The following PPP2R3A variants were observed in gnomAD, a reference collection of about 807,000 sequenced individuals.
PPP2R3A encodes serine/threonine-protein phosphatase 2A regulatory subunit B'' subunit alpha.
A neutral mutation model predicts 106.9 loss-of-function variants in PPP2R3A; 80 were observed. The observed-to-expected ratio is 0.75, with a 90% CI of 0.62 to 0.90. The LOEUF is 0.90. Ranked by LOEUF, PPP2R3A falls within the 40% of genes least tolerant of loss-of-function variation. The probability of loss-of-function intolerance (pLI) is 0.00; values close to 1 mark genes in which losing one functional copy is unlikely to be tolerated. For missense variants in PPP2R3A, 1,386 were observed against 1,350.4 expected, an observed-to-expected ratio of 1.03 and a Z score of -0.41; for synonymous variants, 483 against 468.3, an observed-to-expected ratio of 1.03 and a Z score of -0.41.
intron 1 of PPP2R3A, among the ~76,000 whole-genome samples, chr3:135,991,853 T>C (rs1933178103): frequency 6.6e-6 from 1 of 152,132 alleles, no homozygotes; most frequent in Non-Finnish European, 1.5e-5. Flanking sequence ...AAAAGTTAGT[T>C]TTTAAGCGCT....
At chr3:136,079,185 T>C in intron 7 of PPP2R3A, 1 of 455,448 alleles carries the variant, frequency 2.2e-6, no homozygotes, top group Non-Finnish European at 4.4e-6. Flanking sequence ...CAGTCCATGA[T>C]GGATATACAA....
chr3:136,018,713 C>A (rs932573951), intron 2 of PPP2R3A, among the ~76,000 whole-genome samples: 2 of 152,100 alleles, frequency 1.3e-5, no homozygotes, highest in African/African-American at 4.8e-5. Flanking sequence ...AGCATCTTTT[C>A]TCGCTTGGGA....
At chr3:136,010,678 G>A (rs1423242721) in intron 2 of PPP2R3A, among the ~76,000 whole-genome samples, 2 of 151,896 alleles carry the variant, frequency 1.3e-5, no homozygotes, top group Non-Finnish European at 1.5e-5. Flanking sequence ...CGCCCACCTC[G>A]GCCTCCCAGA....
In PPP2R3A at chr3:136,003,306, A is replaced by G. The variant is rs928319689; in HGVS notation, c.1808A>G (p.Gln603Arg). The G allele has an allele frequency of 7.4e-6, 12 of 1,614,010 alleles. No individual in the cohort carries two copies. Among genetic ancestry groups the G allele is most frequent in the Non-Finnish European group, 1.0e-5 (12 of 1,179,932 alleles). Residue 603 changes from glutamine (Q) to arginine (R), a missense_variant, in exon 2 of 14, where the codon CAA becomes CGA. By Grantham distance (43) the Gln-to-Arg change is conservative. Transcript: ENST00000264977. ...RILESIEDFA[Q>R]ELVECKSSRG... ...CTGGAAAGCATTGAAGACTTTGCTC[A>G]AGAACTAGTTGAATGCAAATCAAGC...
Position 136,108,367 on chromosome 3 carries a change from TTTAA to T in PPP2R3A, c.3329+2049_3329+2052del, listed in dbSNP as rs374525147. On this transcript the variant is annotated intron_variant, in intron 13 of 13. Coordinates refer to ENST00000264977, the MANE Select transcript of PPP2R3A (RefSeq NM_002718.5). Reference sequence around the variant, plus strand: ...ATTTTGTGGATGTGTACTTCTGGACTTTAATTAGGAAAAACGGGATGAGGAAGAA... The same window carrying T: ...ATTTTGTGGATGTGTACTTCTGGACTTTAGGAAAAACGGGATGAGGAAGAA... Among the ~76,000 whole-genome samples, 29 of 152,262 alleles carry T rather than the reference TTTAA, an allele frequency of 1.9e-4. No individual in the cohort carries two copies. In the East Asian group the frequency reaches 5.2e-3, roughly 27 times the overall value.
chr3:136,135,835 CA>C (rs2108024887), intron 13 of PPP2R3A, among the ~76,000 whole-genome samples: 1 of 151,894 alleles, frequency 6.6e-6, no homozygotes, highest in Non-Finnish European at 1.5e-5. Flanking sequence ...CAGATGAGGC[CA>C]GGAGTTCGAG....
intron 1 of PPP2R3A, among the ~76,000 whole-genome samples, chr3:135,986,125 C>T (rs535899479): frequency 6.6e-6 from 1 of 152,174 alleles, no homozygotes; most frequent in South Asian, 2.1e-4. Flanking sequence ...AAAAGGGATA[C>T]AGGGAAAGCA....
chr3:136,024,820 A>G (rs758590094), intron 2 of PPP2R3A, among the ~76,000 whole-genome samples: 1 of 152,184 alleles, frequency 6.6e-6, no homozygotes. Flanking sequence ...TAAATGGTCT[A>G]GGTAAAGCCC....
intron 3 of PPP2R3A, among the ~76,000 whole-genome samples, chr3:136,039,919 T>G (rs1935207526): frequency 6.6e-6 from 1 of 152,212 alleles, no homozygotes; most frequent in Non-Finnish European, 1.5e-5. Context: ...TAAAATTGTT[T>G]TATATTCATT....
rs372861984 is a variant in PPP2R3A, at chr3:136,132,655, C to T, written c.3330-12388C>T. Among the ~76,000 whole-genome samples, 138 of 151,936 alleles carry T rather than the reference C, an allele frequency of 9.1e-4. 1 individual carries two copies. The highest frequency in any genetic ancestry group is 3.1e-3 in the East Asian group (16 of 5,184). ...AAATAACTGGAAAGATTAGAAGGCTCAGCGTTGTTAAAATGTCAATTATCC... is the reference window on the plus strand; with the variant it reads ...AAATAACTGGAAAGATTAGAAGGCTTAGCGTTGTTAAAATGTCAATTATCC... On this transcript the variant is annotated intron_variant, in intron 13 of 13. Coordinates refer to ENST00000264977, the MANE Select transcript of PPP2R3A (RefSeq NM_002718.5).
At chr3:136,100,803 G>A (rs1052025037) in intron 10 of PPP2R3A, among the ~76,000 whole-genome samples, 2 of 152,064 alleles carry the variant, frequency 1.3e-5, no homozygotes, top group Admixed American at 1.3e-4. Context: ...ACTCCAGCCT[G>A]GGCAGCAGAG....
At chr3:136,021,563 TC>T (rs977827266) in intron 2 of PPP2R3A, among the ~76,000 whole-genome samples, 4 of 152,162 alleles carry the variant, frequency 2.6e-5, no homozygotes, top group African/African-American at 9.6e-5. Context: ...AGAATTTAAT[TC>T]CCACTAAATT....
intron 13 of PPP2R3A, among the ~76,000 whole-genome samples, chr3:136,123,726 CA>C (rs1405659099): frequency 1.3e-5 from 2 of 152,064 alleles, no homozygotes; most frequent in African/African-American, 4.8e-5. Context: ...GTATGTGTAT[CA>C]AACAACACAG....
intron 13 of PPP2R3A, among the ~76,000 whole-genome samples, chr3:136,142,547 G>A (rs1346171037): frequency 6.6e-6 from 1 of 152,142 alleles, no homozygotes; most frequent in African/African-American, 2.4e-5. Flanking sequence ...TCACCAACAT[G>A]CCCAAAATCA....
intron 10 of PPP2R3A, among the ~76,000 whole-genome samples, chr3:136,091,202 G>A (rs1024306991): frequency 6.6e-6 from 1 of 152,166 alleles, no homozygotes; most frequent in Admixed American, 6.5e-5. Flanking sequence ...CCTACTTTGT[G>A]TAACACAACG....
chr3:136,124,854 C>T (rs998316785), intron 13 of PPP2R3A, among the ~76,000 whole-genome samples: 5 of 151,848 alleles, frequency 3.3e-5, no homozygotes, highest in Admixed American at 1.3e-4. Flanking sequence ...AAGAATTATA[C>T]GGGAATATTA....
chr3:136,079,572 C>T (rs761830668), intron 7 of PPP2R3A, among the ~76,000 whole-genome samples: 1 of 151,886 alleles, frequency 6.6e-6, no homozygotes, highest in Admixed American at 6.6e-5. Context: ...CCATGCCCAG[C>T]TCATTTTTGT....
intron 1 of PPP2R3A, among the ~76,000 whole-genome samples, chr3:135,970,266 G>A (rs973824606): frequency 6.6e-6 from 1 of 152,174 alleles, no homozygotes; most frequent in Non-Finnish European, 1.5e-5. Flanking sequence ...GGCCACAGAG[G>A]TACAGTGGAA....
intron 5 of PPP2R3A, among the ~76,000 whole-genome samples, chr3:136,058,116 A>C (rs1660710927): frequency 1.3e-5 from 2 of 152,194 alleles, no homozygotes; most frequent in Non-Finnish European, 2.9e-5. Context: ...TCGAAATCAT[A>C]AGAGCCATAT....
Sources: gnomAD v4.1 joint callset for allele counts (sites outside exome capture counted in the v4.1 genomes callset) on GRCh38, gnomAD v4.1.1 for gene constraint, MANE v1.5 for transcripts, NCBI Gene and HGNC (gene_info 2026-07-23, HGNC 2026-07-21) for gene names.